The following IDO2 variants were observed in gnomAD, a reference collection of about 807,000 sequenced individuals.
IDO2 encodes indoleamine 2,3-dioxygenase-like 1 protein.
A neutral mutation model predicts 45.1 loss-of-function variants in IDO2; 46 were observed. The ratio of observed to expected loss-of-function variants is 1.02; its 90% CI spans 0.80 to 1.30. IDO2 has a LOEUF of 1.30. Ranked by LOEUF, IDO2 falls within the 50% of genes most tolerant of loss-of-function variation. The pLI is 0.00. For synonymous variants in IDO2, 218 were observed against 184.9 expected (o/e 1.18, Z -1.45); for missense variants, 544 against 491.8 (o/e 1.11, Z -1.00).
At chr8:39,988,612 T>C (rs1243112108) in intron 7 of IDO2, among the ~76,000 whole-genome samples, 1 of 151,968 alleles carries the variant, frequency 6.6e-6, no homozygotes, top group East Asian at 1.9e-4. Context: ...AGAGACAGGG[T>C]TTCACCATGT....
chr8:39,940,753 C>G (rs1563422470), intron 1 of IDO2, among the ~76,000 whole-genome samples: 2 of 151,974 alleles, frequency 1.3e-5, no homozygotes, highest in African/African-American at 4.8e-5. Context: ...TTCATCCCAC[C>G]CTCTGGTAAC....
At chr8:39,978,735 A>G (rs1447656838) in intron 3 of IDO2, among the ~76,000 whole-genome samples, 1 of 152,096 alleles carries the variant, frequency 6.6e-6, no homozygotes, top group Admixed American at 6.5e-5. Flanking sequence ...AAGTCCGCTC[A>G]GTCCTGGGAG....
chr8:40,013,049 T>C (rs1210959630), intron 9 of IDO2, among the ~76,000 whole-genome samples: 1 of 152,174 alleles, frequency 6.6e-6, no homozygotes, highest in Non-Finnish European at 1.5e-5. Context: ...CAATTATCAC[T>C]GTTTCAGGGA....
chr8:39,996,550 G>C (rs920067725), intron 8 of IDO2, among the ~76,000 whole-genome samples: 2 of 152,064 alleles, frequency 1.3e-5, no homozygotes, highest in East Asian at 3.9e-4. Context: ...TCCGCATCTT[G>C]GTGGTAGTGG....
intron 3 of IDO2, among the ~76,000 whole-genome samples, chr8:39,975,168 T>G (rs1808240967): frequency 5.0e-5 from 3 of 59,928 alleles, no homozygotes; most frequent in Non-Finnish European, 1.0e-4. Context: ...AGTTTTTTTT[T>G]TTGTTTTTTT....
At chr8:40,015,011 C>T (rs1466477259) in intron 10 of IDO2, among the ~76,000 whole-genome samples, 1 of 152,010 alleles carries the variant, frequency 6.6e-6, no homozygotes, top group Admixed American at 6.6e-5. Context: ...AAAATATTAG[C>T]TGGGTGTGGT....
At chr8:40,000,127 T>A (rs1802110974) in intron 8 of IDO2, among the ~76,000 whole-genome samples, 1 of 152,132 alleles carries the variant, frequency 6.6e-6, no homozygotes, top group African/African-American at 2.4e-5. Context: ...AAAGTAAGTA[T>A]TCCTGTCTGG....
chr8:40,003,368 C>CAAA (rs1172335332), intron 8 of IDO2, among the ~76,000 whole-genome samples: 1 of 118,394 alleles, frequency 8.4e-6, no homozygotes, highest in Non-Finnish European at 1.7e-5. Flanking sequence ...GACTCCATCT[C>CAAA]AAAAAAAAAA....
intron 6 of IDO2, among the ~76,000 whole-genome samples, chr8:39,986,671 G>GAGATAGAT (rs56228406): frequency 0.06 from 8,678 of 143,568 alleles, 287 homozygotes; most frequent in East Asian, 0.075. Context: ...GTACAGCATT[G>GAGATAGAT]AGATAGATAG....
chr8:39,993,315 T>A (rs894764030), intron 8 of IDO2, among the ~76,000 whole-genome samples: 5 of 152,152 alleles, frequency 3.3e-5, no homozygotes, highest in Admixed American at 1.3e-4. Flanking sequence ...TGAAGGATAT[T>A]TTTCTCCCCA....
At chr8:39,951,326 A>T (rs909354157) in intron 2 of IDO2, among the ~76,000 whole-genome samples, 1 of 139,264 alleles carries the variant, frequency 7.2e-6, no homozygotes, top group East Asian at 2.2e-4. Flanking sequence ...CCCAGGCTGG[A>T]GTGCAGTGGC....
chr8:39,960,833 A>G (rs961638491), intron 2 of IDO2, among the ~76,000 whole-genome samples: 2 of 152,122 alleles, frequency 1.3e-5, no homozygotes, highest in Admixed American at 6.5e-5. Context: ...CCCAGGATGG[A>G]GTGCAGTGGC....
rs560857222 is a variant in IDO2 at position 39,997,508 on chromosome 8, A to C, written c.667+7670A>C. On this transcript the variant is annotated intron_variant, in intron 8 of 10. Transcript: ENST00000502986. The stretch of plus-strand genomic sequence containing the variant: ...CAACATAGCAAAACCCCATCTCTAC[A>C]AAAAAATACAAAAATTAGATGGTAA... 4.2e-4 allele frequency among the ~76,000 whole-genome samples: 19 copies of C among 45,734 alleles called. No individual in the cohort carries two copies. In the East Asian group the frequency reaches 5.9e-3, roughly 14 times the overall value. The allele number at this position is 45,734 out of a possible 152,430, so 30.0% of individuals were successfully genotyped here.
At chr8:39,940,995 C>T (rs552014143) in intron 1 of IDO2, among the ~76,000 whole-genome samples, 91 of 149,982 alleles carry the variant, frequency 6.1e-4, no homozygotes, top group African/African-American at 2.1e-3. Flanking sequence ...CTGAGGCAGG[C>T]GGATCACCTG....
chr8:39,967,339 T>TG (rs752643346), intron 3 of IDO2, among the ~76,000 whole-genome samples: 4 of 152,182 alleles, frequency 2.6e-5, no homozygotes, highest in South Asian at 4.2e-4. Flanking sequence ...GGGTGAGGGT[T>TG]GGGGGGCACA....
intron 1 of IDO2, among the ~76,000 whole-genome samples, chr8:39,939,361 A>C (rs1280274144): frequency 6.6e-6 from 1 of 151,790 alleles, no homozygotes; most frequent in Non-Finnish European, 1.5e-5. Context: ...AGCCTTGCCA[A>C]CATGACAAAA....
intron 9 of IDO2, 122 bp from the exon 10 acceptor site, chr8:40,013,443 C>A: frequency 3.1e-6 from 3 of 958,562 alleles, no homozygotes; most frequent in Non-Finnish European, 4.8e-6. Flanking sequence ...CCCCCAATCC[C>A]TCACCCTAAA....
At chr8:39,948,134 C>T (rs1807766285) in intron 1 of IDO2, among the ~76,000 whole-genome samples, 2 of 152,224 alleles carry the variant, frequency 1.3e-5, no homozygotes, top group African/African-American at 4.8e-5. Context: ...ACATTTCAAA[C>T]AATGCTATTA....
At chr8:40,006,899 G>A (rs1802232404) in intron 9 of IDO2, among the ~76,000 whole-genome samples, 1 of 152,052 alleles carries the variant, frequency 6.6e-6, no homozygotes, top group Non-Finnish European at 1.5e-5. Flanking sequence ...GACCTCAGGT[G>A]ATCTGCCCAC....
Sources: gnomAD v4.1 joint callset for allele counts (sites outside exome capture counted in the v4.1 genomes callset) on GRCh38, gnomAD v4.1.1 for gene constraint, MANE v1.5 for transcripts, NCBI Gene and HGNC (gene_info 2026-07-23, HGNC 2026-07-21) for gene names.